P3H1: variants seen among roughly 807,000 people sequenced by gnomAD.
P3H1 encodes growth suppressor 1.
Under a neutral mutation model 84.0 loss-of-function variants are expected in P3H1, and 69 were observed. That is an observed-to-expected ratio of 0.82 (90% CI 0.68 to 1.00). The LOEUF is 1.00. P3H1 is among the 50% of genes least tolerant of loss of function. The pLI is 0.00. For synonymous variants in P3H1, 366 were observed against 388.8 expected (o/e 0.94, Z 0.69); for missense variants, 878 against 962.8 (o/e 0.91, Z 1.17).
chr1:42,766,310 A>T (rs1652992933), intron 1 of P3H1, among the ~76,000 whole-genome samples, 197 bp downstream of exon 1: 1 of 152,158 alleles, frequency 6.6e-6, no homozygotes, highest in African/African-American at 2.4e-5. Flanking sequence ...TGGGGTTAGC[A>T]TCTGCCCATG....
chr1:42,748,662 C>A (rs1557560730), intron 11 of P3H1: 1 of 362,472 alleles, frequency 2.8e-6, no homozygotes, highest in African/African-American at 2.1e-5. Context: ...GGGACGGACG[C>A]AGGGCAGAGT....
Position 42,766,872 on chromosome 1 carries a change from TCACC to T in P3H1, c.96_99del (p.Met32IlefsTer24), listed in dbSNP as rs750719508. On this transcript the variant is annotated frameshift_variant, in exon 1 of 15. Transcript: ENST00000296388. LOFTEE classifies it high-confidence loss of function. ...CCCTCGGCGAAGAGCAGATCAGGCG[TCACC>T]ATGCCCCATCCTGCCTCGGACTCGA... is the stretch of plus-strand genomic sequence containing the variant. 3 of 1,607,692 alleles carry T rather than the reference TCACC, an allele frequency of 1.9e-6. No individual in the cohort carries two copies. The highest frequency in any genetic ancestry group is 2.7e-5 in the African/African-American group (2 of 75,026).
At chr1:42,763,033 C>G (rs1323384393) in intron 1 of P3H1, among the ~76,000 whole-genome samples, 3 of 151,012 alleles carry the variant, frequency 2.0e-5, no homozygotes, top group Non-Finnish European at 4.4e-5. Flanking sequence ...TGCAGTGAGC[C>G]AAGATGGTGC....
chr1:42,755,697 A>G, intron 5 of P3H1, 60 bp from the exon 6 acceptor site: 1 of 1,345,488 alleles, frequency 7.4e-7, no homozygotes, highest in Non-Finnish European at 1.1e-6. Flanking sequence ...AACCTCTGGG[A>G]GTTCCCCTCC....
At position 42,747,161 on chromosome 1, in the gene P3H1, G is replaced by A. The variant is rs747939025; in HGVS notation, c.2055+111C>T. 18 of 1,614,024 alleles carry A rather than the reference G, an allele frequency of 1.1e-5. No homozygotes were observed. The East Asian group carries it at 1.6e-4, about 14-fold the overall frequency. ...AGCTGGTGTCCCAAGTGCTCCTTTCGTGTCTCAGCCACTGGCAATGGGATT... is the reference window on the plus strand; with the variant it reads ...AGCTGGTGTCCCAAGTGCTCCTTTCATGTCTCAGCCACTGGCAATGGGATT... On this transcript the variant is annotated intron_variant, in intron 14 of 14. Coordinates refer to ENST00000296388, the MANE Select transcript of P3H1 (RefSeq NM_022356.4).
chr1:42,755,556 C>T lies in P3H1; in HGVS notation c.1162G>A (p.Val388Met), dbSNP rs1316727988. 1 of 1,613,570 alleles carries T rather than the reference C, an allele frequency of 6.2e-7. No homozygotes were observed. Among genetic ancestry groups the T allele is most frequent in the Non-Finnish European group, 8.5e-7 (1 of 1,179,684 alleles). The change falls in exon 6 of 15, where the codon GTG (valine) becomes ATG (methionine). Residue 388 changes from valine to methionine, a missense_variant. Coordinates refer to ENST00000296388, the MANE Select transcript of P3H1 (RefSeq NM_022356.4). ...CCTGTACCCTAGCTCACCGGATCCA[C>T]AAAGGGAATTCCAAAAACATCATAA... ...FAYDVFGIPF[V>M]DPDSWTPEEV...
Position 42,752,539 on chromosome 1 carries a change from T to G in P3H1, c.1471A>C (p.Asn491His). 6.2e-7 allele frequency: 1 copy of G among 1,614,112 alleles called. No individual in the cohort carries two copies. The highest frequency in any genetic ancestry group is 8.5e-7 in the Non-Finnish European group (1 of 1,180,004). Residue 491 changes from asparagine (N) to histidine (H), a missense_variant and splice_region_variant, in exon 9 of 15, where the codon AAT becomes CAT. Asn to His is a moderately conservative substitution (Grantham distance 68). Transcript: ENST00000296388. ...HECQELQRLT[N>H]VAATSGDGYR... ...TGCAGTCACTGGGCTTCCCTTACAT[T>G]GGTCAGTCTCTGCAGCTCCTGACAC...
rs751705501 is a variant in P3H1, at chr1:42,759,226, G to A, written c.783C>T (p.Asn261=). The change falls in exon 3 of 15, where the codon AAC becomes AAT. Residue 261 remains asparagine, a synonymous_variant. Coordinates refer to ENST00000296388, the MANE Select transcript of P3H1 (RefSeq NM_022356.4). ...CTGTGATGGCCTGGAAGAGGTCAGC[G>A]TTGTACTCAAGGTAGTTGTAGCCAT... ...DYDGYNYLEY[N]ADLFQAITDH... 9.2e-5 allele frequency: 149 copies of A among 1,614,076 alleles called. No individual in the cohort carries two copies. The highest frequency in any genetic ancestry group is 1.1e-4 in the Non-Finnish European group (134 of 1,180,040).
chr1:42,749,824 C>G (rs1651931327), intron 11 of P3H1: 1 of 249,892 alleles, frequency 4.0e-6, no homozygotes, highest in African/African-American at 2.2e-5. Flanking sequence ...TGTCTTTCAA[C>G]AGATGGCAGC....
At chr1:42,762,283 A>T in intron 2 of P3H1, 40 bp downstream of exon 2, 3 of 1,602,734 alleles carry the variant, frequency 1.9e-6, no homozygotes, top group South Asian at 1.1e-5. Flanking sequence ...AAATAAATTT[A>T]AAAAGAAAGA....
intron 11 of P3H1, among the ~76,000 whole-genome samples, chr1:42,748,915 C>A (rs1033646777): frequency 1.3e-5 from 2 of 152,206 alleles, no homozygotes; most frequent in Non-Finnish European, 2.9e-5. Context: ...ACCGTCACGT[C>A]GTGGTGGGTG....
rs909976464 is a variant in P3H1, at chr1:42,763,877, G to A, written c.466-1402C>T. Among the ~76,000 whole-genome samples, 3 of 152,010 alleles carry A rather than the reference G, an allele frequency of 2.0e-5. No homozygotes were observed. In the East Asian group the frequency reaches 5.8e-4, roughly 29 times the overall value. ...AGACCAGCCGTGGCCAGGCACGGGG[G>A]TTCACGCCTATAATCCCAGCACTTT... On this transcript the variant is annotated intron_variant, in intron 1 of 14. Transcript: ENST00000296388.
At chr1:42,760,779 T>G (rs1454596239) in intron 2 of P3H1, 1 of 151,310 alleles carries the variant, frequency 6.6e-6, no homozygotes, top group Non-Finnish European at 1.5e-5. Flanking sequence ...CTCAGGCTCC[T>G]GAGTAGCTGG....
chr1:42,762,326 A>G lies in P3H1; in HGVS notation c.615T>C (p.His205=). ...ADFKDLETQP[H]MQEFRLGVRL... is the part of the protein sequence containing the mutation. Reference sequence around the variant, plus strand: ...AAGGGGATAAAGTTTTTTTCACCATATGGGGTTGAGTCTCAAGATCCTTGA... The same window carrying G: ...AAGGGGATAAAGTTTTTTTCACCATGTGGGGTTGAGTCTCAAGATCCTTGA... The change falls in exon 2 of 15, where the codon CAT becomes CAC. Residue 205 remains histidine (H), a synonymous_variant. Coordinates refer to ENST00000296388, the MANE Select transcript of P3H1 (RefSeq NM_022356.4). The G allele has an allele frequency of 6.2e-7, 1 of 1,613,888 alleles. No homozygotes were observed. Among genetic ancestry groups the G allele is most frequent in the Non-Finnish European group, 8.5e-7 (1 of 1,179,846 alleles).
intron 8 of P3H1, among the ~76,000 whole-genome samples, chr1:42,753,307 A>G (rs978849041): frequency 6.6e-6 from 1 of 152,228 alleles, no homozygotes; most frequent in Non-Finnish European, 1.5e-5. Flanking sequence ...ATGCTGGACA[A>G]ATTCTTTTCA....
intron 10 of P3H1, among the ~76,000 whole-genome samples, chr1:42,751,062 G>A (rs1652044258): frequency 7.8e-6 from 1 of 128,234 alleles, no homozygotes; most frequent in Non-Finnish European, 1.7e-5. Context: ...CCCCGTCTGG[G>A]AGGTGTGCCC....
At chr1:42,750,066 A>T in intron 11 of P3H1, 120 bp downstream of exon 11, 1 of 1,220,622 alleles carries the variant, frequency 8.2e-7, no homozygotes, top group Non-Finnish European at 1.2e-6. Context: ...CCATGTATTT[A>T]CATTGGTTCC....
In P3H1 at chr1:42,755,561, G is replaced by A; in HGVS notation, c.1157C>T (p.Pro386Leu). 1.9e-6 allele frequency: 3 copies of A among 1,613,852 alleles called. No homozygotes were observed. Among genetic ancestry groups the A allele is most frequent in the South Asian group, 1.1e-5 (1 of 91,066 alleles). The change falls in exon 6 of 15, where the codon CCC becomes CTC. Residue 386 changes from proline to leucine, a missense_variant. Physicochemically the swap from Pro to Leu is moderately conservative, Grantham distance 98 (BLOSUM62 -3). Coordinates refer to ENST00000296388, the MANE Select transcript of P3H1 (RefSeq NM_022356.4). ...ACCCTAGCTCACCGGATCCACAAAG[G>A]GAATTCCAAAAACATCATAAGCGAA... ...LFFAYDVFGI[P>L]FVDPDSWTPE...
rs775358603 is a variant in P3H1, at chr1:42,746,798, C to G, written c.2110G>C (p.Asp704His). The G allele has an allele frequency of 1.3e-5, 20 of 1,588,312 alleles. No homozygotes were observed. The highest frequency in any genetic ancestry group is 1.6e-5 in the Non-Finnish European group (19 of 1,167,608). The change falls in exon 15 of 15, where the codon GAC becomes CAC. Residue 704 changes from aspartate (D) to histidine (H), a missense_variant. Physicochemically the swap from Asp to His is moderately conservative, Grantham distance 81. Transcript: ENST00000296388. ...TCCAGGGGCTGCTCCTGGGAGAGGT[C>G]CATCTCTTCTGGGCTGAAGAGCATC... The part of the protein sequence containing the change: ...VKMLFSPEEM[D>H]LSQEQPLDAQ...
Sources: allele counts gnomAD v4.1 joint callset (sites outside exome capture counted in the v4.1 genomes callset), GRCh38; gene constraint gnomAD v4.1.1; transcripts MANE v1.5; gene names NCBI Gene and HGNC (gene_info 2026-07-23, HGNC 2026-07-21).